Variants in MBOAT2 observed in about 807,000 individuals in gnomAD.
MBOAT2 encodes the protein membrane-bound glycerophospholipid O-acyltransferase 2.
Under a neutral mutation model 63.4 loss-of-function variants are expected in MBOAT2, and 28 were observed. That is an observed-to-expected ratio of 0.44 (90% CI 0.33 to 0.61). The LOEUF is 0.61. Ranked by LOEUF, MBOAT2 falls within the 20% of genes least tolerant of loss-of-function variation. The pLI is 0.03. For synonymous variants in MBOAT2, 211 were observed against 215.6 expected (o/e 0.98, Z 0.19); for missense variants, 470 against 605.8 (o/e 0.78, Z 2.35).
intron 1 of MBOAT2, among the ~76,000 whole-genome samples, chr2:8,999,469 A>G (rs546520177): frequency 6.6e-6 from 1 of 152,272 alleles, no homozygotes; most frequent in Non-Finnish European, 1.5e-5. Flanking sequence ...GGATATGTTA[A>G]GATTGAAAAA....
At chr2:8,918,987 T>C (rs560328555) in intron 3 of MBOAT2, among the ~76,000 whole-genome samples, 1 of 152,198 alleles carries the variant, frequency 6.6e-6, no homozygotes, top group Non-Finnish European at 1.5e-5. Context: ...GGGAGTCTCA[T>C]GTAAATAAAA....
chr2:8,971,169 T>C (rs1421343434), intron 1 of MBOAT2, among the ~76,000 whole-genome samples: 1 of 152,194 alleles, frequency 6.6e-6, no homozygotes, highest in Non-Finnish European at 1.5e-5. Context: ...TTATCCACCA[T>C]GATCAAGTGG....
chr2:8,962,361 A>G (rs1258814241), intron 1 of MBOAT2, among the ~76,000 whole-genome samples: 1 of 152,228 alleles, frequency 6.6e-6, no homozygotes, highest in Non-Finnish European at 1.5e-5. Context: ...GGTCTTTAGT[A>G]CCAGTCACCT....
At chr2:8,994,122 C>T (rs1410473435) in intron 1 of MBOAT2, among the ~76,000 whole-genome samples, 5 of 152,306 alleles carry the variant, frequency 3.3e-5, no homozygotes, top group South Asian at 4.1e-4. Flanking sequence ...ACCAGCCCTG[C>T]GGACTCTAAA....
intron 3 of MBOAT2, among the ~76,000 whole-genome samples, chr2:8,923,990 G>A (rs1339445463): frequency 6.6e-6 from 1 of 152,168 alleles, no homozygotes; most frequent in Admixed American, 6.5e-5. Flanking sequence ...TTCCAACACA[G>A]ATCCAGAAAA....
At chr2:8,997,918 G>A (rs902206518) in intron 1 of MBOAT2, among the ~76,000 whole-genome samples, 2 of 152,166 alleles carry the variant, frequency 1.3e-5, no homozygotes, top group East Asian at 1.9e-4. Context: ...GTCAGGGCTC[G>A]TGGTATTTTG....
At chr2:8,959,264 G>A (rs985064839) in intron 1 of MBOAT2, among the ~76,000 whole-genome samples, 3 of 152,112 alleles carry the variant, frequency 2.0e-5, no homozygotes, top group Non-Finnish European at 4.4e-5. Context: ...AGCAGCCTTC[G>A]AAAAGCTCAA....
At chr2:8,996,406 C>T (rs1282385966) in intron 1 of MBOAT2, among the ~76,000 whole-genome samples, 4 of 152,148 alleles carry the variant, frequency 2.6e-5, no homozygotes, top group Non-Finnish European at 5.9e-5. Context: ...ATTGAAGCAA[C>T]CCTAACGTCC....
chr2:8,862,881 G>A lies in MBOAT2; in HGVS notation c.1053-159C>T, dbSNP rs540780155. Among the ~76,000 whole-genome samples the A allele has an allele frequency of 2.6e-5, 4 of 152,142 alleles. 1 individual carries two copies. Among genetic ancestry groups the A allele is most frequent in the African/African-American group, 9.6e-5 (4 of 41,488 alleles). On this transcript the variant is annotated intron_variant, in intron 10 of 12. Transcript: ENST00000305997. The surrounding 1 kb of genome is among the most constrained non-coding windows in gnomAD (Gnocchi z 4.3). ...ATCACTTCTCTATGATCTCAGGGAG[G>A]CTATAGCTATTAAGTGTCAAATTTA...
At chr2:8,908,760 T>C in intron 3 of MBOAT2, 44 bp from the exon 4 acceptor site, 3 of 1,191,266 alleles carry the variant, frequency 2.5e-6, no homozygotes, top group Non-Finnish European at 2.5e-6. Context: ...TAAGACTCAT[T>C]TTGTTAAAGA....
Position 8,963,397 on chromosome 2 carries a change from G to A in MBOAT2, c.76-4755C>T, listed in dbSNP as rs531422913. Among the ~76,000 whole-genome samples the A allele has an allele frequency of 3.6e-4, 55 of 152,184 alleles. 1 individual carries two copies. Among genetic ancestry groups the A allele is most frequent in the Middle Eastern group, 6.8e-3 (2 of 294 alleles). ...CAGCTCACTGTAACCTCTGCCTCCC[G>A]GGTTCAAGTGATTCTCCTGCCTCAG... On this transcript the variant is annotated intron_variant, in intron 1 of 12. Transcript: ENST00000305997.
At chr2:8,887,738 G>A (rs1663663191) in intron 5 of MBOAT2, among the ~76,000 whole-genome samples, 1 of 152,182 alleles carries the variant, frequency 6.6e-6, no homozygotes, top group Non-Finnish European at 1.5e-5. Context: ...TAGACCAAAT[G>A]TCTCTTTCCT....
At chr2:8,944,273 A>G (rs994279759) in intron 2 of MBOAT2, among the ~76,000 whole-genome samples, 2 of 152,232 alleles carry the variant, frequency 1.3e-5, no homozygotes, top group Admixed American at 1.3e-4. Context: ...GTCTGTGACT[A>G]AAATCAATCA....
At chr2:8,944,595 G>C (rs1045876757) in intron 2 of MBOAT2, among the ~76,000 whole-genome samples, 1 of 150,936 alleles carries the variant, frequency 6.6e-6, no homozygotes, top group South Asian at 2.1e-4. Context: ...CAGGCCTGTA[G>C]GAGAAACTTA....
intron 1 of MBOAT2, among the ~76,000 whole-genome samples, chr2:8,967,846 A>T (rs1396766803): frequency 6.6e-6 from 1 of 152,218 alleles, no homozygotes; most frequent in East Asian, 1.9e-4. Context: ...CATCACATAA[A>T]TATAAAAAAT....
intron 7 of MBOAT2, among the ~76,000 whole-genome samples, chr2:8,876,620 A>T (rs1372653846): frequency 6.6e-6 from 1 of 152,168 alleles, no homozygotes; most frequent in African/African-American, 2.4e-5. Flanking sequence ...AAAGCAAAAA[A>T]GAAATGGAGG....
intron 1 of MBOAT2, among the ~76,000 whole-genome samples, chr2:8,959,464 CT>C (rs560059713): frequency 6.3e-3 from 874 of 139,026 alleles, no homozygotes; most frequent in Non-Finnish European, 6.7e-3. Flanking sequence ...TCCTTTTTTT[CT>C]TTTTTTTTTT....
intron 1 of MBOAT2, among the ~76,000 whole-genome samples, chr2:8,965,918 C>T (rs1462776010): frequency 6.6e-6 from 1 of 152,112 alleles, no homozygotes; most frequent in Non-Finnish European, 1.5e-5. Context: ...CAATATAGCG[C>T]AAAGTGATTA....
intron 1 of MBOAT2, among the ~76,000 whole-genome samples, chr2:8,963,130 TG>T (rs960225519): frequency 3.3e-5 from 5 of 151,108 alleles, no homozygotes; most frequent in African/African-American, 1.2e-4. Context: ...TCCCAGCTAC[TG>T]GGGAGGTGAG....
Sources: allele counts gnomAD v4.1 joint callset (sites outside exome capture counted in the v4.1 genomes callset), GRCh38; gene constraint gnomAD v4.1.1; non-coding constraint Gnocchi (gnomAD v3.1); transcripts MANE v1.5; gene names NCBI Gene and HGNC (gene_info 2026-07-23, HGNC 2026-07-21).